KCNMB2: variants seen among roughly 807,000 people sequenced by gnomAD.
KCNMB2 encodes calcium-activated potassium channel subunit beta-2.
In KCNMB2, 9 loss-of-function variants were observed where a neutral mutation model predicts 24.5. The observed-to-expected ratio is 0.37, with a 90% CI of 0.22 to 0.64. The LOEUF (loss-of-function observed/expected upper bound fraction) is 0.64, where lower values mean the gene tolerates loss of function less well. KCNMB2 is among the 30% of genes least tolerant of loss of function. The pLI, the probability that KCNMB2 is intolerant of heterozygous loss-of-function variation, is 0.63. For synonymous variants in KCNMB2, 109 were observed against 104.4 expected (o/e 1.04, Z -0.27); for missense variants, 226 against 284.3 (o/e 0.79, Z 1.47).
intron 1 of KCNMB2, among the ~76,000 whole-genome samples, chr3:178,648,989 C>T (rs1465270189): frequency 1.3e-5 from 2 of 152,160 alleles, no homozygotes; most frequent in East Asian, 3.9e-4. Context: ...TGTCATTATT[C>T]ATCATAGACA....
At chr3:178,834,974 G>T (rs1471638172) in intron 4 of KCNMB2, among the ~76,000 whole-genome samples, 1 of 151,862 alleles carries the variant, frequency 6.6e-6, no homozygotes, top group Non-Finnish European at 1.5e-5. Flanking sequence ...AAGATTCAAG[G>T]TCAGATTAGA....
chr3:178,727,912 A>G (rs1387725400), intron 1 of KCNMB2, among the ~76,000 whole-genome samples: 1 of 152,218 alleles, frequency 6.6e-6, no homozygotes, highest in Non-Finnish European at 1.5e-5. Flanking sequence ...CTACTTTTAA[A>G]AGTTCTTGCC....
At chr3:178,726,796 G>A (rs1722980807) in intron 1 of KCNMB2, among the ~76,000 whole-genome samples, 1 of 152,028 alleles carries the variant, frequency 6.6e-6, no homozygotes, top group African/African-American at 2.4e-5. Context: ...GTTTACTTAT[G>A]ATAATATGAG....
chr3:178,675,425 T>G (rs1721038557), intron 1 of KCNMB2, among the ~76,000 whole-genome samples: 2 of 152,196 alleles, frequency 1.3e-5, no homozygotes, highest in Non-Finnish European at 2.9e-5. Context: ...TTTAGAGGGA[T>G]GAACTGCCAG....
intron 1 of KCNMB2, among the ~76,000 whole-genome samples, chr3:178,658,510 C>G (rs891377614): frequency 6.6e-6 from 1 of 152,206 alleles, no homozygotes; most frequent in African/African-American, 2.4e-5. Flanking sequence ...CTCCAAGAAG[C>G]TTTTTCTTAC....
intron 1 of KCNMB2, among the ~76,000 whole-genome samples, chr3:178,627,131 C>T (rs1411761937): frequency 6.6e-6 from 1 of 152,018 alleles, no homozygotes; most frequent in Non-Finnish European, 1.5e-5. Context: ...TATTTATAAA[C>T]ATTGAGATTT....
Position 178,696,646 on chromosome 3 carries a change from G to A in KCNMB2, c.-67-110697G>A, listed in dbSNP as rs564376917. The stretch of plus-strand genomic sequence containing the variant: ...TATTTCTTATTTTCTGCTACCTTTT[G>A]GATTTCTTTGCACTTGATTCTCTAG... On this transcript the variant is annotated intron_variant, in intron 1 of 4. Coordinates refer to ENST00000452583, the MANE Select transcript of KCNMB2 (RefSeq NM_181361.3). Among the ~76,000 whole-genome samples the A allele has an allele frequency of 7.2e-5, 11 of 151,840 alleles. No individual in the cohort carries two copies. In the South Asian group the frequency reaches 2.1e-3, roughly 29 times the overall value.
intron 1 of KCNMB2, among the ~76,000 whole-genome samples, chr3:178,788,249 A>G (rs933967381): frequency 2.0e-5 from 3 of 152,222 alleles, no homozygotes; most frequent in Non-Finnish European, 4.4e-5. Context: ...AGGTTTAACA[A>G]TTAAGCTGGT....
At chr3:178,759,362 TCTCCAAGAGG>T (rs1711581672) in intron 1 of KCNMB2, among the ~76,000 whole-genome samples, 10 of 48,378 alleles carry the variant, frequency 2.1e-4, no homozygotes, top group Non-Finnish European at 3.2e-4. Context: ...TATATATATA[TCTCCAAGAGG>T]ATATATATAT....
chr3:178,744,512 C>T (rs546658875), intron 1 of KCNMB2, among the ~76,000 whole-genome samples: 101 of 152,298 alleles, frequency 6.6e-4, no homozygotes, highest in Non-Finnish European at 9.3e-4. Flanking sequence ...ATGTGCTATG[C>T]TAAATGTTAG....
At chr3:178,552,547 C>A (rs1039115201) in intron 1 of KCNMB2, among the ~76,000 whole-genome samples, 1 of 152,116 alleles carries the variant, frequency 6.6e-6, no homozygotes, top group Admixed American at 6.5e-5. Context: ...CTCATTTCCC[C>A]AAAATCAGCC....
In KCNMB2 at chr3:178,817,218, T is replaced by TATATATATATAC. The variant is rs147866886; in HGVS notation, c.57-8361_57-8360insTACATATATATA. Among the ~76,000 whole-genome samples, 18 of 134,964 alleles carry TATATATATATAC rather than the reference T, an allele frequency of 1.3e-4. 3 individuals are homozygous for TATATATATATAC. The highest frequency in any genetic ancestry group is 5.3e-4 in the African/African-American group (16 of 30,082). The allele number at this position is 134,964 out of a possible 152,430, so 88.5% of individuals were successfully genotyped here. ...GACAAAATCCTTCATGTTAATGACATATATATATAAATGAAGTGTGACTGT... is the reference window on the plus strand; with the variant it reads ...GACAAAATCCTTCATGTTAATGACATATATATATATACATATATATAAATGAAGTGTGACTGT... On this transcript the variant is annotated intron_variant, in intron 2 of 4. Transcript: ENST00000452583.
At chr3:178,745,146 G>T (rs1723622382) in intron 1 of KCNMB2, among the ~76,000 whole-genome samples, 1 of 152,158 alleles carries the variant, frequency 6.6e-6, no homozygotes, top group Non-Finnish European at 1.5e-5. Context: ...AACACTGATT[G>T]TATTAGTCCA....
intron 1 of KCNMB2, among the ~76,000 whole-genome samples, chr3:178,754,654 CAG>C (rs1723965714): frequency 6.6e-6 from 1 of 152,150 alleles, no homozygotes; most frequent in South Asian, 2.1e-4. Context: ...GCCCCCACAA[CAG>C]GGGAGGTAGG....
chr3:178,607,215 A>G (rs1322364892), intron 1 of KCNMB2, among the ~76,000 whole-genome samples: 4 of 152,190 alleles, frequency 2.6e-5, no homozygotes, highest in African/African-American at 9.7e-5. Context: ...GGGTGTAAAA[A>G]ACATCGGGGC....
At chr3:178,803,485 CAA>C (rs1274654035) in intron 1 of KCNMB2, among the ~76,000 whole-genome samples, 2 of 152,100 alleles carry the variant, frequency 1.3e-5, no homozygotes, top group African/African-American at 4.8e-5. Context: ...TGCATGAGGC[CAA>C]AGTCATACTA....
chr3:178,818,743 C>A (rs1005127325), intron 2 of KCNMB2, among the ~76,000 whole-genome samples: 2 of 152,136 alleles, frequency 1.3e-5, no homozygotes, highest in African/African-American at 4.8e-5. Context: ...CTTTCTAAAG[C>A]ACATATCTAA....
At chr3:178,749,466 C>T (rs1723771709) in intron 1 of KCNMB2, among the ~76,000 whole-genome samples, 1 of 152,182 alleles carries the variant, frequency 6.6e-6, no homozygotes, top group Admixed American at 6.5e-5. Flanking sequence ...TACACCTTTC[C>T]TTTCAACCTT....
In KCNMB2 at chr3:178,758,559, GAGATATAT is replaced by G. The variant is rs1724328049; in HGVS notation, c.-67-48782_-67-48775del. The stretch of plus-strand genomic sequence containing the variant: ...ATATATATATATATATATCCAAGAG[GAGATATAT>G]ATATATATATATATATATCCAAGAG... On this transcript the variant is annotated intron_variant, in intron 1 of 4. Coordinates refer to ENST00000452583, the MANE Select transcript of KCNMB2 (RefSeq NM_181361.3). Among the ~76,000 whole-genome samples the G allele has an allele frequency of 8.6e-4, 22 of 25,574 alleles. 4 individuals are homozygous for G. The highest frequency in any genetic ancestry group is 1.5e-3 in the Non-Finnish European group (21 of 14,346). 16.8% of individuals were successfully genotyped at this position (25,574 alleles called of 152,430 possible). A position where few individuals can be genotyped will look rare whatever the true frequency, so the allele number is the denominator to read the frequency against.
Sources: gnomAD v4.1 joint callset for allele counts (sites outside exome capture counted in the v4.1 genomes callset) on GRCh38, gnomAD v4.1.1 for gene constraint, MANE v1.5 for transcripts, NCBI Gene and HGNC (gene_info 2026-07-23, HGNC 2026-07-21) for gene names.